PRAG1: variants seen among roughly 807,000 people sequenced by gnomAD.
PRAG1 encodes the protein PEAK1 related, kinase-activating pseudokinase 1.
PRAG1 carries 110 observed loss-of-function variants against 95.6 expected under a neutral mutation model. The observed-to-expected ratio is 1.15, with a 90% CI of 0.99 to 1.35. The LOEUF (loss-of-function observed/expected upper bound fraction) is 1.35, where lower values mean the gene tolerates loss of function less well. Ranked by LOEUF, PRAG1 falls within the 40% of genes most tolerant of loss-of-function variation. The pLI is 0.00. For synonymous variants in PRAG1, 1,052 were observed against 819.4 expected (o/e 1.28, Z -4.85); for missense variants, 2,554 against 1,864.7 (o/e 1.37, Z -6.81).
Position 8,376,289 on chromosome 8 carries a change from C to A in PRAG1, c.2120G>T (p.Gly707Val). The stretch of plus-strand genomic sequence containing the variant: ...AGGAGGAGGTGAGAATGTCTCAATC[C>A]CACTTCTGTCCTTGGGGAACTCAAA... ...FAFEFPKDRS[G>V]IETFSPPPPP... The change falls in exon 3 of 6, where the codon GGG becomes GTG. Residue 707 changes from glycine (G) to valine (V), a missense_variant. Transcript: ENST00000615670. 6.2e-7 allele frequency: 1 copy of A among 1,614,124 alleles called. No homozygotes were observed. Among genetic ancestry groups the A allele is most frequent in the South Asian group, 1.1e-5 (1 of 91,078 alleles).
chr8:8,318,146 G>C lies in PRAG1; in HGVS notation c.*8C>G, dbSNP rs1563221857. The stretch of plus-strand genomic sequence containing the variant: ...AAGGGGCAGCGACGGTGCAGGCTGG[G>C]GCTTGGCTCACAGAAGCTGCAGGAG... On this transcript the variant is annotated 3_prime_UTR_variant, in exon 6 of 6. Transcript: ENST00000615670. The surrounding 1 kb of genome is among the most constrained non-coding windows in gnomAD (Gnocchi z 4.2). The C allele has an allele frequency of 6.2e-7, 1 of 1,608,494 alleles. No individual in the cohort carries two copies. Among genetic ancestry groups the C allele is most frequent in the Admixed American group, 1.7e-5 (1 of 59,630 alleles).
rs1334159944 is a variant in PRAG1 at position 8,362,330 on chromosome 8, C to T, written c.2162+13917G>A. On this transcript the variant is annotated intron_variant, in intron 3 of 5. Transcript: ENST00000615670. ...CATGGCTTGAGACCATTCACACACA[C>T]TTTCAACTTCCAGAGTATCTGGACC... Among the ~76,000 whole-genome samples the T allele has an allele frequency of 2.6e-5, 4 of 152,254 alleles. No individual in the cohort carries two copies. In the South Asian group the frequency reaches 6.2e-4, roughly 24 times the overall value.
chr8:8,319,316 A>T lies in PRAG1; in HGVS notation c.3073-14T>A, dbSNP rs766607905. 6.7e-7 allele frequency: 1 copy of T among 1,489,498 alleles called. No individual in the cohort carries two copies. The highest frequency in any genetic ancestry group is 8.9e-7 in the Non-Finnish European group (1 of 1,117,664). 92.3% of individuals were successfully genotyped at this position (1,489,498 alleles called of 1,614,324 possible). A position where few individuals can be genotyped will look rare whatever the true frequency, so the allele number is the denominator to read the frequency against. On this transcript the variant is annotated splice_polypyrimidine_tract_variant and intron_variant, in intron 5 of 5. Coordinates refer to ENST00000615670, the MANE Select transcript of PRAG1 (RefSeq NM_001080826.3). Reference sequence around the variant, plus strand: ...GGCTTTGCAGATCTGTGGAGAGAAGAAGAAGTGAAATCAAGAGTGGGGCCC... The same window carrying T: ...GGCTTTGCAGATCTGTGGAGAGAAGTAGAAGTGAAATCAAGAGTGGGGCCC...
At chr8:8,348,266 C>CA (rs1169727865) in intron 3 of PRAG1, among the ~76,000 whole-genome samples, 3 of 152,168 alleles carry the variant, frequency 2.0e-5, no homozygotes, top group African/African-American at 7.2e-5. Flanking sequence ...CACCCTGACT[C>CA]AAAATCTTTG....
At position 8,333,762 on chromosome 8, in the gene PRAG1, C is replaced by A. The variant is rs146845095; in HGVS notation, c.2321-5301G>T. Among the ~76,000 whole-genome samples the A allele has an allele frequency of 1.4e-3, 215 of 152,292 alleles. 1 individual carries two copies. Among genetic ancestry groups the A allele is most frequent in the African/African-American group, 4.6e-3 (193 of 41,556 alleles). ...GAACAAATGCAGAAGCAAAGGGCAG[C>A]GTCCCAACTAAGTCTCCCCAAACGT... On this transcript the variant is annotated intron_variant, in intron 4 of 5. Coordinates refer to ENST00000615670, the MANE Select transcript of PRAG1 (RefSeq NM_001080826.3).
At chr8:8,334,088 T>C (rs564891340) in intron 4 of PRAG1, among the ~76,000 whole-genome samples, 4 of 152,318 alleles carry the variant, frequency 2.6e-5, no homozygotes, top group Admixed American at 2.0e-4. Flanking sequence ...TTTTGCAATC[T>C]CTTGTTTGGT....
chr8:8,363,048 T>G (rs1001450878), intron 3 of PRAG1, among the ~76,000 whole-genome samples: 1 of 149,436 alleles, frequency 6.7e-6, no homozygotes, highest in Admixed American at 6.7e-5. Flanking sequence ...TATAAAGATA[T>G]ATATATATAG....
intron 3 of PRAG1, among the ~76,000 whole-genome samples, chr8:8,361,580 C>T (rs1236022684): frequency 6.6e-6 from 1 of 152,162 alleles, no homozygotes; most frequent in African/African-American, 2.4e-5. Flanking sequence ...AAGAACAGGC[C>T]CTTGCCACCA....
intron 3 of PRAG1, 78 bp downstream of exon 3, chr8:8,376,169 C>G (rs2116931373): frequency 2.0e-6 from 3 of 1,527,016 alleles, no homozygotes; most frequent in Non-Finnish European, 2.6e-6. Context: ...GGCCTGAAAG[C>G]TTTGATGAGG....
At chr8:8,331,492 C>T (rs1447172190) in intron 4 of PRAG1, among the ~76,000 whole-genome samples, 1 of 152,188 alleles carries the variant, frequency 6.6e-6, no homozygotes, top group East Asian at 1.9e-4. Context: ...TTTTCAACCT[C>T]TCTGAACATG....
intron 3 of PRAG1, among the ~76,000 whole-genome samples, chr8:8,362,964 A>G (rs1037227030): frequency 2.6e-5 from 4 of 152,080 alleles, no homozygotes; most frequent in African/African-American, 9.7e-5. Flanking sequence ...GAAGAGACAT[A>G]AGCTGTGAGC....
intron 5 of PRAG1, among the ~76,000 whole-genome samples, chr8:8,326,366 C>G (rs533789156): frequency 3.3e-5 from 5 of 151,940 alleles, no homozygotes; most frequent in African/African-American, 1.2e-4. Context: ...TTCAAATTAG[C>G]TTATTCTTTG....
chr8:8,385,210 G>A (rs1389623527), intron 1 of PRAG1, among the ~76,000 whole-genome samples: 1 of 152,192 alleles, frequency 6.6e-6, no homozygotes, highest in Admixed American at 6.5e-5. Flanking sequence ...TGTGTGGAAA[G>A]TGTCTGAACT....
At chr8:8,323,987 C>G (rs1798550278) in intron 5 of PRAG1, among the ~76,000 whole-genome samples, 1 of 152,182 alleles carries the variant, frequency 6.6e-6, no homozygotes, top group Non-Finnish European at 1.5e-5. Context: ...CATGTTTTCT[C>G]CTCTGAATGA....
chr8:8,379,434 A>G (rs971702318), intron 2 of PRAG1, among the ~76,000 whole-genome samples: 4 of 152,140 alleles, frequency 2.6e-5, no homozygotes, highest in African/African-American at 9.7e-5. Context: ...TTCTGAGCTT[A>G]AAGAGTCCCT....
At chr8:8,325,042 A>G (rs796958154) in intron 5 of PRAG1, among the ~76,000 whole-genome samples, 26 of 152,330 alleles carry the variant, frequency 1.7e-4, no homozygotes, top group African/African-American at 5.5e-4. Context: ...GTCTGCCTTC[A>G]GTGCCGGCTC....
At chr8:8,322,581 G>A (rs548662980) in intron 5 of PRAG1, among the ~76,000 whole-genome samples, 21 of 152,230 alleles carry the variant, frequency 1.4e-4, no homozygotes, top group Non-Finnish European at 1.9e-4. Context: ...GGAAGGGGGC[G>A]CTGGACATGC....
Position 8,318,607 on chromosome 8 carries a change from C to G in PRAG1, c.3768G>C (p.Gln1256His), listed in dbSNP as rs1289131866. The G allele has an allele frequency of 6.2e-7, 1 of 1,613,384 alleles. No homozygotes were observed. Among genetic ancestry groups the G allele is most frequent in the Non-Finnish European group, 8.5e-7 (1 of 1,179,926 alleles). ...GCAGCTCGTAGATGAGGATGCCTGT[C>G]TGGAACTCATCGAACTTGCGGTACT... ...ASQYRKFDEF[Q>H]TGILIYELLH... Residue 1256 changes from glutamine (Q) to histidine (H), a missense_variant, in exon 6 of 6, where the codon CAG becomes CAC. Gln to His is a conservative substitution (Grantham distance 24, BLOSUM62 0). Transcript: ENST00000615670. The surrounding 1 kb of genome is among the most constrained non-coding windows in gnomAD (Gnocchi z 4.2).
At chr8:8,319,333 G>A in intron 5 of PRAG1, 31 bp from the exon 6 acceptor site, 1 of 1,482,614 alleles carries the variant, frequency 6.7e-7, no homozygotes, top group Non-Finnish European at 9.0e-7. Flanking sequence ...GAAATCAAGA[G>A]TGGGGCCCAT....
Sources: allele counts gnomAD v4.1 joint callset (sites outside exome capture counted in the v4.1 genomes callset), GRCh38; gene constraint gnomAD v4.1.1; non-coding constraint Gnocchi (gnomAD v3.1); transcripts MANE v1.5; gene names NCBI Gene and HGNC (gene_info 2026-07-23, HGNC 2026-07-21).